Variants in PKIB observed in about 807,000 individuals in gnomAD.
PKIB encodes cAMP-dependent protein kinase inhibitor beta.
A neutral mutation model predicts 4.5 loss-of-function variants in PKIB; 2 were observed. That is an observed-to-expected ratio of 0.44 (90% confidence interval 0.18 to 1.39). The LOEUF (loss-of-function observed/expected upper bound fraction) is 1.39, where lower values mean the gene tolerates loss of function less well. PKIB is among the 40% of genes most tolerant of loss of function. The pLI is 0.27. For missense variants in PKIB, 94 were observed against 92.6 expected (o/e 1.02, Z -0.06); for synonymous variants, 38 against 36.0 (o/e 1.06, Z -0.20).
At chr6:122,579,684 T>C (rs1773649813) in intron 2 of PKIB, among the ~76,000 whole-genome samples, 2 of 152,166 alleles carry the variant, frequency 1.3e-5, no homozygotes. Flanking sequence ...AAAATGAAAA[T>C]TACTCTCTAG....
chr6:122,576,910 T>G (rs991324350), intron 2 of PKIB, among the ~76,000 whole-genome samples: 2 of 151,670 alleles, frequency 1.3e-5, no homozygotes, highest in Admixed American at 6.6e-5. Flanking sequence ...ATAAAGGAAA[T>G]AAATATGACA....
At chr6:122,610,394 C>G (rs1774699774), upstream of PKIB, 1 of 152,250 alleles carries the variant, frequency 6.6e-6, no homozygotes, top group Admixed American at 6.5e-5. Flanking sequence ...TGCGCCCCAG[C>G]CCAGTAGCTC....
At chr6:122,546,016 A>G (rs1325646532) in intron 2 of PKIB, among the ~76,000 whole-genome samples, 1 of 151,856 alleles carries the variant, frequency 6.6e-6, no homozygotes, top group Admixed American at 6.6e-5. Flanking sequence ...AAGTCCCAGG[A>G]GCAGGGGTTT....
intron 3 of PKIB, among the ~76,000 whole-genome samples, chr6:122,683,698 G>A (rs776145663): frequency 2.3e-4 from 35 of 152,150 alleles, no homozygotes; most frequent in Non-Finnish European, 3.7e-4. Context: ...CTTTACCAAT[G>A]TAGTAAATCA....
intron 2 of PKIB, among the ~76,000 whole-genome samples, chr6:122,672,227 G>T (rs1777493924): frequency 6.6e-6 from 1 of 152,210 alleles, no homozygotes; most frequent in South Asian, 2.1e-4. Context: ...AGGGAAGGGA[G>T]TGAGTAGAGC....
At chr6:122,542,617 G>A (rs1777640443) in intron 2 of PKIB, among the ~76,000 whole-genome samples, 2 of 152,092 alleles carry the variant, frequency 1.3e-5, no homozygotes, top group Admixed American at 1.3e-4. Flanking sequence ...TGAGGTGTCA[G>A]TCTGCCCCTA....
chr6:122,546,144 C>T (rs1772486435), intron 2 of PKIB, among the ~76,000 whole-genome samples: 1 of 152,062 alleles, frequency 6.6e-6, no homozygotes, highest in Non-Finnish European at 1.5e-5. Context: ...TTAAGCTGCA[C>T]AGTTCTTCCT....
At chr6:122,639,830 A>C (rs1217686421) in intron 2 of PKIB, among the ~76,000 whole-genome samples, 1 of 152,206 alleles carries the variant, frequency 6.6e-6, no homozygotes, top group Admixed American at 6.5e-5. Flanking sequence ...TTGATTGGTC[A>C]TAAGTGGGAG....
chr6:122,601,317 A>T (rs1044571921), intron 3 of PKIB, among the ~76,000 whole-genome samples: 5 of 152,172 alleles, frequency 3.3e-5, no homozygotes, highest in Non-Finnish European at 7.3e-5. Flanking sequence ...TATATCAAGG[A>T]TATAATATTA....
chr6:122,626,399 G>A (rs2114804534), intron 1 of PKIB, among the ~76,000 whole-genome samples: 1 of 152,264 alleles, frequency 6.6e-6, no homozygotes, highest in Admixed American at 6.5e-5. Context: ...GCAGATAGTT[G>A]AATAAAACAT....
chr6:122,691,802 G>C (rs971789992), intron 3 of PKIB, among the ~76,000 whole-genome samples: 1 of 151,974 alleles, frequency 6.6e-6, no homozygotes, highest in African/African-American at 2.4e-5. Flanking sequence ...TACTGTAGTC[G>C]TCTCAGTCTG....
chr6:122,725,118 T>C lies in PKIB; in HGVS notation c.170-10T>C. The C allele has an allele frequency of 1.3e-6, 2 of 1,597,200 alleles. No individual in the cohort carries two copies. The highest frequency in any genetic ancestry group is 1.7e-4 in the Middle Eastern group (1 of 5,966). On this transcript the variant is annotated splice_polypyrimidine_tract_variant and intron_variant, in intron 4 of 4. Coordinates refer to ENST00000368452, the MANE Select transcript of PKIB (RefSeq NM_181795.3). ...TATATTCCACATATGAATGGAAATT[T>C]TTTTTTCAGATGCAAAAGAGAAAGA...
chr6:122,555,534 C>T (rs1023228340), intron 2 of PKIB, among the ~76,000 whole-genome samples: 3 of 152,106 alleles, frequency 2.0e-5, no homozygotes, highest in Non-Finnish European at 4.4e-5. Flanking sequence ...TTAGACAAGA[C>T]ACAAAGTGCT....
intron 1 of PKIB, among the ~76,000 whole-genome samples, chr6:122,626,101 T>G (rs9482262): frequency 0.012 from 1,792 of 143,510 alleles, 39 homozygotes; most frequent in African/African-American, 0.042. Context: ...TAGATAGAGA[T>G]AGATTAGAAG....
At chr6:122,657,856 C>T (rs75891241) in intron 2 of PKIB, among the ~76,000 whole-genome samples, 1 of 152,248 alleles carries the variant, frequency 6.6e-6, no homozygotes, top group Non-Finnish European at 1.5e-5. Flanking sequence ...AATCATGCAG[C>T]TCTTTCTTGA....
At chr6:122,481,118 C>A (rs1289697038) in intron 2 of PKIB, 1 of 152,096 alleles carries the variant, frequency 6.6e-6, no homozygotes, top group African/African-American at 2.4e-5. Context: ...TCCAAAAGAT[C>A]AAAGTTTTAA....
chr6:122,556,651 C>T (rs1208105726), intron 2 of PKIB, among the ~76,000 whole-genome samples: 1 of 152,126 alleles, frequency 6.6e-6, no homozygotes, highest in Non-Finnish European at 1.5e-5. Flanking sequence ...CTGTATGGAA[C>T]CTCTGGCAGG....
At chr6:122,540,708 A>AG (rs1355700028) in intron 2 of PKIB, among the ~76,000 whole-genome samples, 3 of 152,064 alleles carry the variant, frequency 2.0e-5, no homozygotes, top group African/African-American at 7.3e-5. Flanking sequence ...TGCTTGGTGC[A>AG]GAGCTGAGTT....
rs562436911 is a variant in PKIB at position 122,485,791 on chromosome 6, T to G, written c.-248+7852T>G. On this transcript the variant is annotated intron_variant, in intron 2 of 6. Coordinates refer to the PKIB transcript ENST00000392491. ...TGAATGTTGCATCTGTTGAAGTCTTTATCATGAATTAGCAGTGACTGTGCT... is the reference window on the plus strand; with the variant it reads ...TGAATGTTGCATCTGTTGAAGTCTTGATCATGAATTAGCAGTGACTGTGCT... Among the ~76,000 whole-genome samples the G allele has an allele frequency of 6.9e-4, 105 of 152,342 alleles. No individual in the cohort carries two copies. The South Asian group carries it at 0.022, about 31-fold the overall frequency.
Sources: gnomAD v4.1 joint callset for allele counts (sites outside exome capture counted in the v4.1 genomes callset) on GRCh38, gnomAD v4.1.1 for gene constraint, MANE v1.5 for transcripts, NCBI Gene and HGNC (gene_info 2026-07-23, HGNC 2026-07-21) for gene names.